The following ANKH variants were observed in gnomAD, a reference collection of about 807,000 sequenced individuals.
The protein encoded by ANKH is ANKH inorganic pyrophosphate transport regulator, also known as mineralization regulator ANKH.
A neutral mutation model predicts 49.0 loss-of-function variants in ANKH; 15 were observed. The observed-to-expected ratio is 0.31, with a 90% CI of 0.20 to 0.47. The LOEUF (loss-of-function observed/expected upper bound fraction) is 0.47. ANKH is among the 20% of genes least tolerant of loss of function. ANKH has a pLI of 1.00. For missense variants in ANKH, 429 were observed against 652.0 expected, an observed-to-expected ratio of 0.66 and a Z score of 3.72; for synonymous variants, 273 against 260.0, an observed-to-expected ratio of 1.05 and a Z score of -0.48.
Position 14,871,566 on chromosome 5 carries a change from G to A in ANKH, c.-119C>T. 1 of 469,608 alleles carries A rather than the reference G, an allele frequency of 2.1e-6. No homozygotes were observed. The highest frequency in any genetic ancestry group is 8.6e-5 in the South Asian group (1 of 11,600). The allele number at this position is 469,608 out of a possible 1,614,324, so 29.1% of individuals were successfully genotyped here. ...CGCGGGCCGACAGAGGCCGCGGGCG[G>A]CGGGGCCTCGGGCGCGGCGGCGGCG... On this transcript the variant is annotated 5_prime_UTR_variant, in exon 1 of 12. Transcript: ENST00000284268.
At chr5:14,834,268 C>A (rs1390873692) in intron 1 of ANKH, among the ~76,000 whole-genome samples, 2 of 152,020 alleles carry the variant, frequency 1.3e-5, no homozygotes, top group Non-Finnish European at 2.9e-5. Context: ...AATGACAGGA[C>A]CTGCGTCACA....
chr5:14,866,418 T>C (rs968764651), intron 1 of ANKH, among the ~76,000 whole-genome samples: 1 of 152,188 alleles, frequency 6.6e-6, no homozygotes, highest in East Asian at 1.9e-4. Flanking sequence ...CACAGCAACG[T>C]TGCCCTTAAT....
chr5:14,822,064 C>A (rs575082568), intron 1 of ANKH, among the ~76,000 whole-genome samples: 1 of 152,294 alleles, frequency 6.6e-6, no homozygotes, highest in South Asian at 2.1e-4. Flanking sequence ...CTTTCTTTCT[C>A]CTATCTGAAG....
intron 1 of ANKH, among the ~76,000 whole-genome samples, chr5:14,794,050 A>T (rs1740293575): frequency 6.6e-6 from 1 of 152,248 alleles, no homozygotes; most frequent in Admixed American, 6.5e-5. Context: ...TATCACTAAG[A>T]TCTCTTTACA....
At chr5:14,778,576 T>C (rs1175912994) in intron 1 of ANKH, among the ~76,000 whole-genome samples, 1 of 152,168 alleles carries the variant, frequency 6.6e-6, no homozygotes, top group Non-Finnish European at 1.5e-5. Context: ...CCGGCTGCAA[T>C]TTCTAACCTT....
chr5:14,853,434 G>A (rs551354192), intron 1 of ANKH, among the ~76,000 whole-genome samples: 27 of 152,202 alleles, frequency 1.8e-4, no homozygotes, highest in African/African-American at 5.5e-4. Flanking sequence ...AAAATTAGCC[G>A]GGTGTGGCAG....
intron 3 of ANKH, among the ~76,000 whole-genome samples, chr5:14,757,812 G>C (rs1580044895): frequency 6.6e-6 from 1 of 152,272 alleles, no homozygotes; most frequent in East Asian, 1.9e-4. Flanking sequence ...AAAGTCAACA[G>C]ACAATTGGAA....
chr5:14,721,972 TA>T (rs895144861), intron 8 of ANKH, among the ~76,000 whole-genome samples: 1 of 149,888 alleles, frequency 6.7e-6, no homozygotes, highest in Non-Finnish European at 1.5e-5. Context: ...TGGTATGTAT[TA>T]AAAGCTACAA....
intron 1 of ANKH, among the ~76,000 whole-genome samples, chr5:14,826,887 G>T (rs916215575): frequency 1.3e-5 from 2 of 152,046 alleles, no homozygotes; most frequent in Admixed American, 6.6e-5. Context: ...CGTTTCCCAC[G>T]TCCCTCTGCA....
chr5:14,798,455 G>A (rs1740460213), intron 1 of ANKH: 1 of 1,435,328 alleles, frequency 7.0e-7, no homozygotes, highest in South Asian at 1.3e-5. Flanking sequence ...GAGGGGCAGG[G>A]AGGCTGCAGG....
At chr5:14,859,758 C>T (rs1735422810) in intron 1 of ANKH, among the ~76,000 whole-genome samples, 1 of 152,172 alleles carries the variant, frequency 6.6e-6, no homozygotes, top group Non-Finnish European at 1.5e-5. Flanking sequence ...GGTACGCATC[C>T]GTCATTTGAC....
In ANKH at chr5:14,713,905, C is replaced by T. The variant is rs907164908; in HGVS notation, c.1142-238G>A. Among the ~76,000 whole-genome samples the T allele has an allele frequency of 6.6e-6, 1 of 152,266 alleles. No individual in the cohort carries two copies. The highest frequency in any genetic ancestry group is 1.5e-5 in the Non-Finnish European group (1 of 68,050). On this transcript the variant is annotated intron_variant, in intron 9 of 11. Transcript: ENST00000284268. The surrounding 1 kb of genome is among the most constrained non-coding windows in gnomAD (Gnocchi z 4.4). The stretch of plus-strand genomic sequence containing the variant: ...TTGGATCTAAATGGCTGGGACCAGG[C>T]AGGCTCCTTTCTCCACTGGGACAGC...
chr5:14,792,036 C>T (rs1284342007), intron 1 of ANKH, among the ~76,000 whole-genome samples: 2 of 152,158 alleles, frequency 1.3e-5, no homozygotes, highest in African/African-American at 4.8e-5. Flanking sequence ...CAAGAGCAAG[C>T]TGCCTGTGCT....
intron 8 of ANKH, among the ~76,000 whole-genome samples, chr5:14,721,870 C>T (rs1183847524): frequency 7.8e-6 from 1 of 128,186 alleles, no homozygotes; most frequent in African/African-American, 3.0e-5. Flanking sequence ...GCGGAGCTTG[C>T]AGTGAGCTGA....
intron 1 of ANKH, among the ~76,000 whole-genome samples, chr5:14,824,617 A>C (rs1741288098): frequency 2.0e-5 from 3 of 152,196 alleles, no homozygotes; most frequent in African/African-American, 7.2e-5. Context: ...ACAGTTCTGC[A>C]GTTTGTGAGA....
chr5:14,784,997 G>A (rs2126535221), intron 1 of ANKH, among the ~76,000 whole-genome samples: 1 of 152,262 alleles, frequency 6.6e-6, no homozygotes. Flanking sequence ...AGTGACTCTG[G>A]ATACCACCTT....
chr5:14,814,880 G>A (rs1372788291), intron 1 of ANKH, among the ~76,000 whole-genome samples: 1 of 152,090 alleles, frequency 6.6e-6, no homozygotes, highest in African/African-American at 2.4e-5. Flanking sequence ...CAAATTTCAC[G>A]AGTTTGGGAG....
intron 1 of ANKH, among the ~76,000 whole-genome samples, chr5:14,804,439 A>G (rs1740646071): frequency 6.6e-6 from 1 of 152,240 alleles, no homozygotes; most frequent in Admixed American, 6.5e-5. Flanking sequence ...ACCCAGAACA[A>G]TTCTAGGCCC....
intron 1 of ANKH, among the ~76,000 whole-genome samples, chr5:14,819,088 C>G (rs1426460566): frequency 4.6e-5 from 7 of 152,194 alleles, no homozygotes; most frequent in Admixed American, 6.5e-5. Context: ...GGGTTGCCAG[C>G]ATGAGCTACC....
Sources: allele counts gnomAD v4.1 joint callset (sites outside exome capture counted in the v4.1 genomes callset), GRCh38; gene constraint gnomAD v4.1.1; non-coding constraint Gnocchi (gnomAD v3.1); transcripts MANE v1.5; gene names NCBI Gene and HGNC (gene_info 2026-07-23, HGNC 2026-07-21).